RP1: variants seen among roughly 807,000 people sequenced by gnomAD.
RP1 encodes the protein RP1 axonemal microtubule associated.
RP1 carries 16 observed loss-of-function variants against 14.8 expected under a neutral mutation model. The ratio of observed to expected loss-of-function variants is 1.08; its 90% CI spans 0.73 to 1.65. The LOEUF (loss-of-function observed/expected upper bound fraction) is 1.65, where lower values mean the gene tolerates loss of function less well. Ranked by LOEUF, RP1 falls within the 40% of genes most tolerant of loss-of-function variation. RP1 has a pLI of 0.00. For missense variants in RP1, 2,631 were observed against 2,535.0 expected (o/e 1.04, Z -0.81); for synonymous variants, 876 against 883.6 (o/e 0.99, Z 0.15).
downstream of RP1, among the ~76,000 whole-genome samples, chr8:54,633,737 CTATATA>C (rs59614361): frequency 1.3e-3 from 160 of 118,798 alleles, no homozygotes; most frequent in South Asian, 9.6e-4. Context: ...CTCTCTCTCT[CTATATA>C]TATATATATA....
intron 24 of RP1, among the ~76,000 whole-genome samples, chr8:54,803,684 A>G (rs1385134307): frequency 6.6e-6 from 1 of 152,218 alleles, no homozygotes; most frequent in Non-Finnish European, 1.5e-5. Flanking sequence ...GTATGCTACA[A>G]TTTATTTAAG....
intron 12 of RP1, among the ~76,000 whole-genome samples, chr8:54,680,118 T>A (rs1435537235): frequency 3.3e-5 from 5 of 152,194 alleles, no homozygotes; most frequent in Non-Finnish European, 7.4e-5. Flanking sequence ...AGGCTTTAAA[T>A]CTGGGCACTG....
chr8:54,696,678 A>G (rs1253963311), intron 12 of RP1: 6 of 770,532 alleles, frequency 7.8e-6, no homozygotes, highest in African/African-American at 1.7e-5. Flanking sequence ...GTACGCATCA[A>G]AAGGATTGAT....
chr8:54,846,855 T>A (rs954857804), intron 25 of RP1, among the ~76,000 whole-genome samples: 8 of 152,190 alleles, frequency 5.3e-5, no homozygotes, highest in Non-Finnish European at 1.2e-4. Context: ...TCCTCCCTCA[T>A]TGGTAATGTC....
At chr8:54,723,292 A>T (rs1808576419) in intron 16 of RP1, among the ~76,000 whole-genome samples, 1 of 152,050 alleles carries the variant, frequency 6.6e-6, no homozygotes, top group Non-Finnish European at 1.5e-5. Flanking sequence ...ACTTCATGGC[A>T]TTTTTTTTAT....
chr8:54,869,667 G>A (rs1236895708), intron 28 of RP1, among the ~76,000 whole-genome samples: 4 of 152,306 alleles, frequency 2.6e-5, no homozygotes, highest in Admixed American at 6.5e-5. Context: ...AAAACTTGCC[G>A]AAGCTGGACT....
chr8:54,567,236 A>G (rs1804429471), intron 1 of RP1, among the ~76,000 whole-genome samples: 1 of 152,214 alleles, frequency 6.6e-6, no homozygotes, highest in Non-Finnish European at 1.5e-5. Flanking sequence ...CATGTTTGTC[A>G]GTCTCTCAGT....
At chr8:54,811,318 T>G (rs1394660953) in intron 24 of RP1, among the ~76,000 whole-genome samples, 3 of 152,196 alleles carry the variant, frequency 2.0e-5, no homozygotes, top group Non-Finnish European at 4.4e-5. Flanking sequence ...CCTGTAATGA[T>G]TATCCCCAAA....
intron 19 of RP1, among the ~76,000 whole-genome samples, chr8:54,753,352 G>A (rs1809420424): frequency 6.6e-6 from 1 of 152,170 alleles, no homozygotes; most frequent in African/African-American, 2.4e-5. Flanking sequence ...TATTGAGATG[G>A]GTAGGACATG....
intron 25 of RP1, among the ~76,000 whole-genome samples, chr8:54,840,498 C>T (rs936955248): frequency 2.0e-5 from 3 of 151,482 alleles, no homozygotes; most frequent in Admixed American, 6.6e-5. Context: ...GGTGATCTGC[C>T]CAAGGCTGCA....
intron 1 of RP1, among the ~76,000 whole-genome samples, chr8:54,616,429 T>C (rs1805717199): frequency 2.6e-5 from 4 of 152,222 alleles, no homozygotes; most frequent in Admixed American, 2.6e-4. Flanking sequence ...ATCAAGTGAT[T>C]CTAGTTTATT....
intron 1 of RP1, among the ~76,000 whole-genome samples, chr8:54,620,706 G>A (rs1805834893): frequency 6.6e-6 from 1 of 151,898 alleles, no homozygotes; most frequent in Non-Finnish European, 1.5e-5. Context: ...AATTTATCTA[G>A]GCCCTTATTC....
intron 24 of RP1, among the ~76,000 whole-genome samples, chr8:54,819,543 C>G (rs939368545): frequency 1.3e-5 from 2 of 152,032 alleles, no homozygotes; most frequent in African/African-American, 4.8e-5. Flanking sequence ...GACGTCTGGG[C>G]ATTGAATAAT....
rs781330300 is a variant in RP1, at chr8:54,621,027, G to T, written c.61G>T (p.Val21Phe). The change falls in exon 2 of 4, where the codon GTT becomes TTT. Residue 21 changes from valine to phenylalanine, a missense_variant. Physicochemically the swap from Val to Phe is conservative, Grantham distance 50 (BLOSUM62 -1). Transcript: ENST00000220676. ...TCATCCTACGTCTTCTGAAGGTCAA[G>T]TTCCACCCCCTCGCCATTTGAGCCT... ...IIHPTSSEGQ[V>F]PPPRHLSLTH... 1.9e-6 allele frequency: 3 copies of T among 1,614,034 alleles called. No individual in the cohort carries two copies. Among genetic ancestry groups the T allele is most frequent in the Admixed American group, 1.7e-5 (1 of 59,996 alleles).
chr8:54,839,199 C>G (rs145030182), intron 25 of RP1, among the ~76,000 whole-genome samples: 124 of 152,262 alleles, frequency 8.1e-4, no homozygotes, highest in African/African-American at 2.9e-3. Flanking sequence ...ATTCTTTACT[C>G]CCCTTTGAGC....
chr8:54,791,242 C>T (rs1209904992), intron 24 of RP1, among the ~76,000 whole-genome samples: 2 of 152,066 alleles, frequency 1.3e-5, no homozygotes, highest in East Asian at 3.9e-4. Context: ...AATACTGTAC[C>T]CACCAAACTT....
chr8:54,752,136 AATT>A (rs1809387264), intron 19 of RP1, among the ~76,000 whole-genome samples: 1 of 152,246 alleles, frequency 6.6e-6, no homozygotes, highest in Admixed American at 6.5e-5. Context: ...TAACAAAACT[AATT>A]TACCATTGGC....
At chr8:54,869,759 C>T (rs1812539254) in intron 28 of RP1, 1 of 488,254 alleles carries the variant, frequency 2.0e-6, no homozygotes, top group Non-Finnish European at 3.2e-6. Context: ...AAATTCTTTC[C>T]ATATGTTTTT....
intron 1 of RP1, among the ~76,000 whole-genome samples, chr8:54,618,900 A>T (rs1194411638): frequency 6.6e-6 from 1 of 152,190 alleles, no homozygotes; most frequent in Non-Finnish European, 1.5e-5. Flanking sequence ...ACCTCGGGTG[A>T]TCTACCCGCC....
Sources: gnomAD v4.1 joint callset for allele counts (sites outside exome capture counted in the v4.1 genomes callset) on GRCh38, gnomAD v4.1.1 for gene constraint, MANE v1.5 for transcripts, NCBI Gene and HGNC (gene_info 2026-07-23, HGNC 2026-07-21) for gene names.